ANTXRL: variants seen among roughly 807,000 people sequenced by gnomAD.
The protein encoded by ANTXRL is anthrax toxin receptor-like.
ANTXRL carries 63 observed loss-of-function variants against 75.4 expected under a neutral mutation model. The observed-to-expected ratio is 0.84, with a 90% CI of 0.68 to 1.03. The LOEUF is 1.03. Ranked by LOEUF, ANTXRL falls within the 50% of genes least tolerant of loss-of-function variation. The pLI is 0.00. For synonymous variants in ANTXRL, 335 were observed against 291.3 expected, an observed-to-expected ratio of 1.15 and a Z score of -1.53; for missense variants, 797 against 789.4, an observed-to-expected ratio of 1.01 and a Z score of -0.12.
intron 2 of ANTXRL, among the ~76,000 whole-genome samples, chr10:46,293,299 TGTGTGTGTGTGC>T (rs1837110381): frequency 2.5e-5 from 1 of 40,442 alleles, no homozygotes; most frequent in Admixed American, 2.7e-4. Flanking sequence ...CGTGTGTGCC[TGTGTGTGTGTGC>T]GTGTGTGCCT....
chr10:46,294,008 C>T, intron 3 of ANTXRL, 108 bp downstream of exon 3: 2 of 1,051,872 alleles, frequency 1.9e-6, no homozygotes, highest in Non-Finnish European at 2.7e-6. Context: ...TGACAGCACA[C>T]AGGGCAGGCC....
chr10:46,292,206 C>G, intron 2 of ANTXRL, 77 bp downstream of exon 2: 1 of 1,397,622 alleles, frequency 7.2e-7, no homozygotes, highest in Non-Finnish European at 9.8e-7. Flanking sequence ...GGGCACATCC[C>G]ATCAGATGGG....
At chr10:46,325,352 C>G (rs7073020) in intron 16 of ANTXRL, among the ~76,000 whole-genome samples, 78,555 of 151,714 alleles carry the variant, frequency 0.52, 21,347 homozygotes, top group Admixed American at 0.63. Flanking sequence ...CCTTATTCTG[C>G]ACCTCTTGCT....
At chr10:46,326,140 T>C (rs375738053) in intron 16 of ANTXRL, among the ~76,000 whole-genome samples, 1 of 151,450 alleles carries the variant, frequency 6.6e-6, no homozygotes, top group East Asian at 1.9e-4. Flanking sequence ...TTATTAAAAA[T>C]GTTAGTGGAC....
At chr10:46,295,108 C>A (rs1204303770) in intron 3 of ANTXRL, among the ~76,000 whole-genome samples, 1 of 152,174 alleles carries the variant, frequency 6.6e-6, no homozygotes, top group Non-Finnish European at 1.5e-5. Context: ...GCACAGCTGT[C>A]GGGGCTGCCT....
At chr10:46,328,858 T>C (rs1273946355) in intron 16 of ANTXRL, among the ~76,000 whole-genome samples, 2 of 152,116 alleles carry the variant, frequency 1.3e-5, no homozygotes, top group African/African-American at 4.8e-5. Flanking sequence ...GTGACTTGCC[T>C]GAGGTCAGAG....
In ANTXRL at chr10:46,292,112, A is replaced by G. The variant is rs1554956660; in HGVS notation, c.303A>G (p.Thr101=). The G allele has an allele frequency of 1.3e-6, 2 of 1,536,270 alleles. No individual in the cohort carries two copies. The highest frequency in any genetic ancestry group is 1.2e-5 in the South Asian group (1 of 84,048). Residue 101 remains threonine (T), a synonymous_variant, in exon 2 of 17, where the codon ACA becomes ACG. Transcript: ENST00000620264. ...ACCTTTATATGTGGGTGGAGGAAAC[A>G]GTGGCGAGGTTCCAAAGGTACAGAT... ...WIDLYMWVEE[T]VARFQSPNIR... is the part of the protein sequence containing the mutation.
chr10:46,295,937 C>G, intron 3 of ANTXRL, 82 bp from the exon 4 acceptor site: 1 of 1,150,326 alleles, frequency 8.7e-7, no homozygotes, highest in Middle Eastern at 2.1e-4. Context: ...GCGCAAAGAA[C>G]AGTGGCTCCC....
Position 46,311,666 on chromosome 10 carries a change from G to C in ANTXRL, c.1329+1G>C. 2 of 995,516 alleles carry C rather than the reference G, an allele frequency of 2.0e-6. No homozygotes were observed. Among genetic ancestry groups the C allele is most frequent in the Non-Finnish European group, 3.1e-6 (2 of 653,182 alleles). The allele number at this position is 995,516 out of a possible 1,614,324, so 61.7% of individuals were successfully genotyped here. The stretch of plus-strand genomic sequence containing the variant: ...AGTGGGCGGGATGAGAAGGATAGAG[G>C]TGAGAAGGGCACAGTGGAGAGGGGC... On this transcript the variant is annotated splice_donor_variant, in intron 15 of 16. Transcript: ENST00000620264. LOFTEE classifies it high-confidence loss of function.
At chr10:46,291,954 A>C in intron 1 of ANTXRL, 104 bp from the exon 2 acceptor site, 1 of 1,044,474 alleles carries the variant, frequency 9.6e-7, no homozygotes, top group Non-Finnish European at 1.4e-6. Flanking sequence ...TGCTGGGGTC[A>C]GGAGAGCTTG....
chr10:46,302,979 G>C (rs782304753), intron 10 of ANTXRL, among the ~76,000 whole-genome samples, 159 bp downstream of exon 10: 2 of 152,036 alleles, frequency 1.3e-5, no homozygotes, highest in African/African-American at 4.8e-5. Flanking sequence ...TGGGAAGGCC[G>C]GTCACCCCTC....
intron 12 of ANTXRL, chr10:46,308,402 T>TCC: frequency 4.1e-6 from 1 of 246,458 alleles, no homozygotes; most frequent in Non-Finnish European, 7.8e-6. Flanking sequence ...CCCTGCCCCT[T>TCC]CCCTCCCCTC....
rs181934159 is a variant in ANTXRL, at chr10:46,307,998, G to A, written c.1044+518G>A. Among the ~76,000 whole-genome samples the A allele has an allele frequency of 1.6e-4, 24 of 152,286 alleles. No homozygotes were observed. The East Asian group carries it at 4.1e-3, about 26-fold the overall frequency. ...CTCGGACCCGAGCTCAGCTCCAAGA[G>A]GCCCCTGGGAATGGAGATGCTGTGC... On this transcript the variant is annotated intron_variant, in intron 12 of 16. Transcript: ENST00000620264.
intron 13 of ANTXRL, among the ~76,000 whole-genome samples, chr10:46,309,741 A>G (rs575559971): frequency 3.3e-5 from 5 of 152,166 alleles, no homozygotes; most frequent in Admixed American, 3.3e-4. Context: ...CCTGGGCCCC[A>G]TACTGGGCTG....
intron 16 of ANTXRL, among the ~76,000 whole-genome samples, chr10:46,317,518 C>G (rs78779193): frequency 0.16 from 24,935 of 151,966 alleles, 1,773 homozygotes; most frequent in Middle Eastern, 0.2. Flanking sequence ...GCCATATGCC[C>G]GTGGAGGGCA....
intron 1 of ANTXRL, among the ~76,000 whole-genome samples, chr10:46,291,592 G>A (rs1252886376): frequency 2.0e-5 from 3 of 152,056 alleles, no homozygotes; most frequent in African/African-American, 7.3e-5. Flanking sequence ...TTTCAGCAAT[G>A]TTCTATAGTT....
rs150799258 is a variant in ANTXRL at position 46,290,791 on chromosome 10, T to C, written c.249-1267T>C. ...TTTTTTGTTGCATTTTTTTGTTGTT[T>C]CTTTTTCGTTGTTGTTGTAGGAGTT... On this transcript the variant is annotated intron_variant, in intron 1 of 16. Coordinates refer to ENST00000620264, the MANE Select transcript of ANTXRL (RefSeq NM_001278688.3). Among the ~76,000 whole-genome samples, 484 of 152,258 alleles carry C rather than the reference T, an allele frequency of 3.2e-3. 3 individuals are homozygous for C. The highest frequency in any genetic ancestry group is 0.011 in the African/African-American group (466 of 41,520).
intron 10 of ANTXRL, among the ~76,000 whole-genome samples, chr10:46,305,174 G>A (rs113896628): frequency 0.025 from 3,869 of 152,286 alleles, 174 homozygotes; most frequent in African/African-American, 0.087. Context: ...CAACTAGATG[G>A]CAGTGTGCCT....
Position 46,297,985 on chromosome 10 carries a change from C to T in ANTXRL, c.736-17C>T. 1 of 1,535,858 alleles carries T rather than the reference C, an allele frequency of 6.5e-7. No individual in the cohort carries two copies. The highest frequency in any genetic ancestry group is 1.2e-5 in the South Asian group (1 of 84,042). On this transcript the variant is annotated splice_polypyrimidine_tract_variant and intron_variant, in intron 8 of 16. Coordinates refer to ENST00000620264, the MANE Select transcript of ANTXRL (RefSeq NM_001278688.3). Reference sequence around the variant, plus strand: ...AGCTCACTCTCCCTGTCCCGCCCCACCCCTCCTGTGTTCCAGCTCACGTCA... The same window carrying T: ...AGCTCACTCTCCCTGTCCCGCCCCATCCCTCCTGTGTTCCAGCTCACGTCA...
Sources: gnomAD v4.1 joint callset for allele counts (sites outside exome capture counted in the v4.1 genomes callset) on GRCh38, gnomAD v4.1.1 for gene constraint, MANE v1.5 for transcripts, NCBI Gene and HGNC (gene_info 2026-07-23, HGNC 2026-07-21) for gene names.